The following IFT56 variants were observed in gnomAD, a reference collection of about 807,000 sequenced individuals.
The protein encoded by IFT56 is intraflagellar transport protein 56.
chr7:139,162,633 T>C, the IFT56 span, among the ~76,000 whole-genome samples: 4 of 152,114 alleles, frequency 2.6e-5, no homozygotes, highest in East Asian at 1.9e-4. Flanking sequence ...CATTGCTGAG[T>C]CTGTGTTCTC....
the IFT56 span, chr7:139,134,570 G>T: frequency 6.9e-7 from 1 of 1,453,078 alleles, no homozygotes; most frequent in South Asian, 1.5e-5. Flanking sequence ...GCCCGGCCTT[G>T]ACTTATAAAT....
chr7:139,142,301 A>T, the IFT56 span: 1 of 1,613,910 alleles, frequency 6.2e-7, no homozygotes, highest in Admixed American at 1.7e-5. Flanking sequence ...CACTTGGCTC[A>T]CAAGGTATTT....
chr7:139,164,555 T>C, the IFT56 span, among the ~76,000 whole-genome samples: 1 of 152,238 alleles, frequency 6.6e-6, no homozygotes, highest in African/African-American at 2.4e-5. Flanking sequence ...ACAGTAGGTG[T>C]ATATTGTTAT....
the IFT56 span, among the ~76,000 whole-genome samples, chr7:139,184,940 G>C: frequency 4.0e-5 from 6 of 151,638 alleles, no homozygotes; most frequent in Non-Finnish European, 8.8e-5. Context: ...TGTAGTCCCA[G>C]CTACTCAGGA....
the IFT56 span, among the ~76,000 whole-genome samples, chr7:139,138,361 T>C: frequency 4.6e-5 from 7 of 152,212 alleles, no homozygotes; most frequent in African/African-American, 1.4e-4. Flanking sequence ...TAATCTCTTA[T>C]TGTGCCTAAC....
the IFT56 span, chr7:139,179,634 G>A: frequency 1.2e-6 from 2 of 1,613,238 alleles, no homozygotes; most frequent in Non-Finnish European, 1.7e-6. Context: ...CAGCTGGTTA[G>A]CTCGGTGCTG....
the IFT56 span, among the ~76,000 whole-genome samples, chr7:139,135,251 C>A: frequency 6.9e-6 from 1 of 144,878 alleles, no homozygotes; most frequent in African/African-American, 2.6e-5. Flanking sequence ...TGCACTCCAG[C>A]CTGGCTACAA....
chr7:139,162,621 A>G, the IFT56 span, among the ~76,000 whole-genome samples: 1 of 152,192 alleles, frequency 6.6e-6, no homozygotes, highest in Non-Finnish European at 1.5e-5. Flanking sequence ...TAAGTCACTT[A>G]ACATTGCTGA....
chr7:139,185,677 G>A, the IFT56 span, among the ~76,000 whole-genome samples: 1 of 152,002 alleles, frequency 6.6e-6, no homozygotes, highest in Non-Finnish European at 1.5e-5. Flanking sequence ...TTATGGTCTG[G>A]AAGTGACACA....
the IFT56 span, chr7:139,160,872 T>C: frequency 9.3e-7 from 1 of 1,069,540 alleles, no homozygotes; most frequent in Non-Finnish European, 1.4e-6. Context: ...TTGTAAATTA[T>C]AAACCATTGT....
chr7:139,173,204 A>G, the IFT56 span: 1 of 551,322 alleles, frequency 1.8e-6, no homozygotes, highest in Non-Finnish European at 3.3e-6. Flanking sequence ...TTAATTGGAA[A>G]AAAAACTTGT....
chr7:139,164,513 T>G, the IFT56 span, among the ~76,000 whole-genome samples: 109 of 152,356 alleles, frequency 7.2e-4, no homozygotes, highest in African/African-American at 2.3e-3. Flanking sequence ...ATTTTATTTT[T>G]AACTCTTTTT....
chr7:139,136,284 C>G, the IFT56 span, among the ~76,000 whole-genome samples: 2 of 152,106 alleles, frequency 1.3e-5, no homozygotes, highest in Non-Finnish European at 2.9e-5. Context: ...TTTTGGGCAT[C>G]AGCTTTCTCA....
the IFT56 span, chr7:139,179,787 T>C: frequency 2.4e-4 from 157 of 663,758 alleles, 1 homozygote; most frequent in South Asian, 5.1e-4. Context: ...AATTAAGCGT[T>C]GTTAATGCTA....
At chr7:139,148,161 G>T in the IFT56 span, 1 of 1,526,836 alleles carries the variant, frequency 6.5e-7, no homozygotes, top group Non-Finnish European at 9.0e-7. Flanking sequence ...TGACATTTCC[G>T]TGAAGTAGAC....
the IFT56 span, among the ~76,000 whole-genome samples, chr7:139,138,811 C>CT: frequency 0.21 from 28,558 of 136,422 alleles, 5,530 homozygotes; most frequent in African/African-American, 0.48. Flanking sequence ...TATGGATTTA[C>CT]TTTTTTTTTT....
At chr7:139,160,138 T>G in the IFT56 span, among the ~76,000 whole-genome samples, 1 of 152,104 alleles carries the variant, frequency 6.6e-6, no homozygotes, top group Non-Finnish European at 1.5e-5. Context: ...TGAGCAGACA[T>G]GCACTCCCAA....
At chr7:139,186,938 C>T in the IFT56 span, among the ~76,000 whole-genome samples, 1 of 148,894 alleles carries the variant, frequency 6.7e-6, no homozygotes, top group African/African-American at 2.5e-5. Context: ...ACTAAAAATA[C>T]AAAAAATTAG....
the IFT56 span, among the ~76,000 whole-genome samples, chr7:139,163,860 A>G: frequency 4.6e-5 from 7 of 152,228 alleles, no homozygotes; most frequent in African/African-American, 1.7e-4. Context: ...AAAAGCACTA[A>G]ATAGATATTT....
Sources: allele counts gnomAD v4.1 joint callset (sites outside exome capture counted in the v4.1 genomes callset), GRCh38; gene constraint gnomAD v4.1.1; transcripts MANE v1.5; gene names NCBI Gene and HGNC (gene_info 2026-07-23, HGNC 2026-07-21).